Variants in MAP3K5 observed in about 807,000 individuals in gnomAD.
The protein encoded by MAP3K5 is mitogen-activated protein kinase kinase kinase 5.
MAP3K5 carries 56 observed loss-of-function variants against 158.7 expected under a neutral mutation model. That is an observed-to-expected ratio of 0.35 (90% CI 0.28 to 0.44). The LOEUF (loss-of-function observed/expected upper bound fraction) is 0.44, where lower values mean the gene tolerates loss of function less well. Ranked by LOEUF, MAP3K5 falls within the 20% of genes least tolerant of loss-of-function variation. The pLI is 1.00. For missense variants in MAP3K5, 1,294 were observed against 1,674.8 expected, an observed-to-expected ratio of 0.77 and a Z score of 3.97; for synonymous variants, 579 against 601.7, an observed-to-expected ratio of 0.96 and a Z score of 0.55.
chr6:136,763,998 C>T (rs1007566710), intron 1 of MAP3K5, among the ~76,000 whole-genome samples: 1 of 152,196 alleles, frequency 6.6e-6, no homozygotes, highest in African/African-American at 2.4e-5. Flanking sequence ...GACTTCTCCA[C>T]CTCCAGAACA....
intron 2 of MAP3K5, among the ~76,000 whole-genome samples, chr6:136,716,428 G>A (rs1375822166): frequency 1.3e-5 from 2 of 152,130 alleles, no homozygotes; most frequent in Non-Finnish European, 2.9e-5. Flanking sequence ...AAGTGAGTGG[G>A]GAGTGGCCCA....
Position 136,683,405 on chromosome 6 carries a change from C to A in MAP3K5, c.1253+10735G>T, listed in dbSNP as rs192996744. On this transcript the variant is annotated intron_variant, in intron 7 of 29. Transcript: ENST00000359015. ...TGGGTTGGTCTTGGAATGGCCATAG[C>A]CATCTTGCAATCCCGAGTAGGGGCA... Among the ~76,000 whole-genome samples, 557 of 152,340 alleles carry A rather than the reference C, an allele frequency of 3.7e-3. 1 individual carries two copies. Among genetic ancestry groups the A allele is most frequent in the African/African-American group, 0.012 (508 of 41,586 alleles).
intron 15 of MAP3K5, 134 bp downstream of exon 15, chr6:136,622,714 A>T: frequency 1.1e-6 from 1 of 946,392 alleles, no homozygotes; most frequent in Non-Finnish European, 1.6e-6. Flanking sequence ...CAGCAGCGAA[A>T]CCTCAGAAGG....
At chr6:136,702,618 C>G (rs1207247037) in intron 3 of MAP3K5, among the ~76,000 whole-genome samples, 4 of 152,242 alleles carry the variant, frequency 2.6e-5, no homozygotes, top group Non-Finnish European at 5.9e-5. Context: ...TTTCAAAACA[C>G]TGAGGCATGG....
chr6:136,584,983 C>G (rs1300011489), intron 23 of MAP3K5, among the ~76,000 whole-genome samples: 1 of 152,222 alleles, frequency 6.6e-6, no homozygotes, highest in Non-Finnish European at 1.5e-5. Context: ...ATTTTTGAAA[C>G]TACCCCTTAC....
At chr6:136,670,942 C>A (rs992443022) in intron 7 of MAP3K5, among the ~76,000 whole-genome samples, 1 of 152,076 alleles carries the variant, frequency 6.6e-6, no homozygotes, top group Non-Finnish European at 1.5e-5. Context: ...AGTATATACA[C>A]CTAGACTACA....
At chr6:136,705,879 T>C (rs1781054025) in intron 2 of MAP3K5, among the ~76,000 whole-genome samples, 1 of 152,114 alleles carries the variant, frequency 6.6e-6, no homozygotes, top group Admixed American at 6.5e-5. Flanking sequence ...ATAAAGGGTA[T>C]TGGCCACCGG....
intron 1 of MAP3K5, among the ~76,000 whole-genome samples, chr6:136,754,576 C>T (rs1204440812): frequency 1.5e-5 from 2 of 137,224 alleles, no homozygotes; most frequent in East Asian, 2.1e-4. Context: ...AGAGAGAGAC[C>T]GCTCTCAAAA....
chr6:136,678,527 C>T (rs1352629916), intron 7 of MAP3K5, among the ~76,000 whole-genome samples: 1 of 151,940 alleles, frequency 6.6e-6, no homozygotes, highest in African/African-American at 2.4e-5. Flanking sequence ...AAGTGCAAAA[C>T]TATCTATAAA....
intron 18 of MAP3K5, among the ~76,000 whole-genome samples, chr6:136,610,169 TAAG>T (rs896715268): frequency 2.6e-5 from 4 of 151,960 alleles, no homozygotes; most frequent in Non-Finnish European, 5.9e-5. Flanking sequence ...TTTCTCTCTA[TAAG>T]AAGAACTTAA....
intron 21 of MAP3K5, among the ~76,000 whole-genome samples, chr6:136,593,892 T>G (rs1290774139): frequency 6.6e-6 from 1 of 152,174 alleles, no homozygotes; most frequent in Non-Finnish European, 1.5e-5. Flanking sequence ...CTGAATCAAC[T>G]GCCCTGATCT....
At chr6:136,779,428 G>C (rs1290743239) in intron 1 of MAP3K5, among the ~76,000 whole-genome samples, 2 of 131,884 alleles carry the variant, frequency 1.5e-5, no homozygotes, top group East Asian at 4.3e-4. Context: ...GGGCAACAGA[G>C]TGACACCCTG....
At chr6:136,628,891 G>C (rs914006898) in intron 14 of MAP3K5, among the ~76,000 whole-genome samples, 3 of 152,144 alleles carry the variant, frequency 2.0e-5, no homozygotes, top group Admixed American at 6.5e-5. Context: ...AGAAACAAGA[G>C]ACTGGTTCAG....
intron 14 of MAP3K5, among the ~76,000 whole-genome samples, chr6:136,628,646 C>T (rs877193): frequency 0.091 from 13,877 of 152,024 alleles, 1,557 homozygotes; most frequent in African/African-American, 0.25. Flanking sequence ...TAAAAGATTA[C>T]GTATTAGATA....
chr6:136,588,077 A>G (rs531771408), intron 23 of MAP3K5, among the ~76,000 whole-genome samples: 1 of 152,298 alleles, frequency 6.6e-6, no homozygotes, highest in East Asian at 1.9e-4. Flanking sequence ...CCTGGGTTTT[A>G]TGTGTTTTTG....
In MAP3K5 at chr6:136,561,542, A is replaced by G; in HGVS notation, c.3978T>C (p.Thr1326=). 6.2e-7 allele frequency: 1 copy of G among 1,609,414 alleles called. No homozygotes were observed. Residue 1326 remains threonine, a synonymous_variant, in exon 28 of 30, where the codon ACT becomes ACC. Transcript: ENST00000359015. ...WLRVNGADED[T]ISRFLAEDYT... Reference sequence around the variant, plus strand: ...AGACAGTTTTCTTTACCCGGCTTATAGTGTCTTCATCAGCTCCATTCACTC... The same window carrying G: ...AGACAGTTTTCTTTACCCGGCTTATGGTGTCTTCATCAGCTCCATTCACTC...
chr6:136,677,190 T>C (rs1320535293), intron 7 of MAP3K5, among the ~76,000 whole-genome samples: 2 of 140,944 alleles, frequency 1.4e-5, no homozygotes, highest in Non-Finnish European at 3.0e-5. Context: ...CAGGCTGGAG[T>C]GTAGTGGCGC....
intron 8 of MAP3K5, among the ~76,000 whole-genome samples, chr6:136,663,371 C>T (rs1248336150): frequency 6.6e-6 from 1 of 152,160 alleles, no homozygotes; most frequent in African/African-American, 2.4e-5. Flanking sequence ...AATTAAATTA[C>T]AGACATCATG....
intron 9 of MAP3K5, among the ~76,000 whole-genome samples, chr6:136,658,113 G>A (rs1027450499): frequency 1.3e-5 from 2 of 152,048 alleles, no homozygotes; most frequent in African/African-American, 4.8e-5. Flanking sequence ...AGCCATGAGG[G>A]CCTAACATGG....
Sources: allele counts gnomAD v4.1 joint callset (sites outside exome capture counted in the v4.1 genomes callset), GRCh38; gene constraint gnomAD v4.1.1; transcripts MANE v1.5; gene names NCBI Gene and HGNC (gene_info 2026-07-23, HGNC 2026-07-21).